The following COL9A1 variants were observed in gnomAD, a reference collection of about 807,000 sequenced individuals.
COL9A1 encodes the protein collagen type IX alpha 1 chain.
COL9A1 carries 104 observed loss-of-function variants against 142.6 expected under a neutral mutation model. The ratio of observed to expected loss-of-function variants is 0.73; its 90% CI spans 0.62 to 0.86. The LOEUF (loss-of-function observed/expected upper bound fraction) is 0.86. COL9A1 is among the 40% of genes least tolerant of loss of function. The probability of loss-of-function intolerance (pLI) is 0.00; values close to 1 mark genes in which losing one functional copy is unlikely to be tolerated. For synonymous variants in COL9A1, 466 were observed against 396.0 expected (o/e 1.18, Z -2.10); for missense variants, 1,210 against 1,176.6 (o/e 1.03, Z -0.42).
In COL9A1 at chr6:70,241,457, G is replaced by A. The variant is rs886061697; in HGVS notation, c.1999-3C>T. 9 of 1,607,724 alleles carry A rather than the reference G, an allele frequency of 5.6e-6. No individual in the cohort carries two copies. The highest frequency in any genetic ancestry group is 6.8e-6 in the Non-Finnish European group (8 of 1,174,176). On this transcript the variant is annotated splice_region_variant and splice_polypyrimidine_tract_variant and intron_variant, in intron 30 of 37. Coordinates refer to ENST00000357250, the MANE Select transcript of COL9A1 (RefSeq NM_001851.6). Reference sequence around the variant, plus strand: ...GGACCCGGTTCACCGACTACACCCTGTAATAAATAAAATATAATACTTTTT... The same window carrying A: ...GGACCCGGTTCACCGACTACACCCTATAATAAATAAAATATAATACTTTTT...
intron 1 of COL9A1, among the ~76,000 whole-genome samples, chr6:70,302,569 G>C (rs1302098597): frequency 6.6e-6 from 1 of 152,008 alleles, no homozygotes; most frequent in African/African-American, 2.4e-5. Flanking sequence ...AGACCCCACT[G>C]TCGTTGTTGT....
chr6:70,266,780 G>A lies in COL9A1; in HGVS notation c.1288-10C>T. On this transcript the variant is annotated splice_polypyrimidine_tract_variant and intron_variant, in intron 17 of 37. Coordinates refer to ENST00000357250, the MANE Select transcript of COL9A1 (RefSeq NM_001851.6). ...TAGCCCCTTTATGACCCTAACAAAT[G>A]CAAAATAAGTAATTGTCTTGAGTTT... The A allele has an allele frequency of 6.2e-7, 1 of 1,610,600 alleles. No homozygotes were observed. The highest frequency in any genetic ancestry group is 2.2e-5 in the East Asian group (1 of 44,778).
Position 70,236,552 on chromosome 6 carries a change from C to T in COL9A1, c.2113-1612G>A, listed in dbSNP as rs890268590. Among the ~76,000 whole-genome samples the T allele has an allele frequency of 2.0e-5, 3 of 152,140 alleles. No individual in the cohort carries two copies. The South Asian group carries it at 6.2e-4, about 32-fold the overall frequency. ...GCATCATTTATCTAGAAAAAGCTGG[C>T]TCTTTCAAACAAATACTTTAAACTG... On this transcript the variant is annotated intron_variant, in intron 33 of 37. Coordinates refer to ENST00000357250, the MANE Select transcript of COL9A1 (RefSeq NM_001851.6).
chr6:70,282,967 C>T (rs965919896), intron 6 of COL9A1, 49 bp from the exon 7 acceptor site: 1 of 1,614,150 alleles, frequency 6.2e-7, no homozygotes, highest in Non-Finnish European at 8.5e-7. Context: ...CCCTCAAACT[C>T]GATCGCAACT....
chr6:70,281,513 G>A (rs1231155251), intron 7 of COL9A1, 49 bp from the exon 8 acceptor site: 2 of 1,485,342 alleles, frequency 1.3e-6, no homozygotes, highest in Non-Finnish European at 1.9e-6. Context: ...GGGCAACAGG[G>A]AGCAACTGAG....
intron 37 of COL9A1, among the ~76,000 whole-genome samples, chr6:70,225,703 C>T (rs1318693980): frequency 6.6e-6 from 1 of 152,046 alleles, no homozygotes; most frequent in East Asian, 1.9e-4. Flanking sequence ...CTTGAAGCAT[C>T]TATTTAAGGA....
At chr6:70,237,626 G>C (rs1769997500) in intron 33 of COL9A1, among the ~76,000 whole-genome samples, 1 of 152,172 alleles carries the variant, frequency 6.6e-6, no homozygotes, top group East Asian at 1.9e-4. Flanking sequence ...GTTACAGCTT[G>C]AATTCTTTCT....
chr6:70,239,764 C>T (rs1319234703), intron 32 of COL9A1, among the ~76,000 whole-genome samples: 1 of 152,126 alleles, frequency 6.6e-6, no homozygotes, highest in African/African-American at 2.4e-5. Flanking sequence ...AAATTTCCTA[C>T]CACTAATGCT....
intron 29 of COL9A1, among the ~76,000 whole-genome samples, chr6:70,242,454 A>G (rs1770322263): frequency 6.6e-6 from 1 of 152,250 alleles, no homozygotes; most frequent in African/African-American, 2.4e-5. Context: ...AGGTTTAAAA[A>G]TGGATGCTAC....
chr6:70,234,828 C>G lies in COL9A1; in HGVS notation c.2225G>C (p.Gly742Ala). 1.2e-6 allele frequency: 2 copies of G among 1,614,036 alleles called. No individual in the cohort carries two copies. Among genetic ancestry groups the G allele is most frequent in the Non-Finnish European group, 1.7e-6 (2 of 1,179,946 alleles). The change falls in exon 34 of 38, where the codon GGT becomes GCT. Residue 742 changes from glycine (G) to alanine (A), a missense_variant. Gly to Ala is a moderately conservative substitution (Grantham distance 60, BLOSUM62 0). Transcript: ENST00000357250. ...CTGGACACCAGGCAGGCCGGTGGCA[C>G]CCTGTTCTCCCTGCACACCCCGGGG... The part of the protein sequence containing the change: ...PGPRGVQGEQ[G>A]ATGLPGVQGP...
chr6:70,258,082 G>A (rs1336462417), intron 20 of COL9A1, among the ~76,000 whole-genome samples: 1 of 152,142 alleles, frequency 6.6e-6, no homozygotes, highest in Non-Finnish European at 1.5e-5. Context: ...CTCTGATGTG[G>A]CTAACATATT....
chr6:70,276,673 T>C (rs1473405973), intron 10 of COL9A1, among the ~76,000 whole-genome samples: 1 of 152,184 alleles, frequency 6.6e-6, no homozygotes, highest in Non-Finnish European at 1.5e-5. Flanking sequence ...AAGAGTCATA[T>C]GTCCATTACA....
At chr6:70,223,936 T>A (rs1212800550) in intron 37 of COL9A1, among the ~76,000 whole-genome samples, 1 of 151,552 alleles carries the variant, frequency 6.6e-6, no homozygotes, top group East Asian at 1.9e-4. Context: ...TCAGAGCTGA[T>A]GGGGAGAGCA....
chr6:70,233,641 G>A (rs1361219046), intron 35 of COL9A1, among the ~76,000 whole-genome samples: 1 of 152,180 alleles, frequency 6.6e-6, no homozygotes, highest in Admixed American at 6.5e-5. Context: ...GTAAGAGTTT[G>A]CATGGAATAA....
intron 18 of COL9A1, among the ~76,000 whole-genome samples, chr6:70,265,564 A>G (rs1263043381): frequency 2.7e-5 from 4 of 149,716 alleles, no homozygotes; most frequent in Non-Finnish European, 5.9e-5. Flanking sequence ...CATAGCAGGT[A>G]CTTTATATTT....
chr6:70,274,601 GT>G, intron 11 of COL9A1, 117 bp downstream of exon 11: 2 of 821,784 alleles, frequency 2.4e-6, no homozygotes, highest in Non-Finnish European at 4.1e-6. Flanking sequence ...CACAATTTTA[GT>G]TGAACGAGTG....
intron 5 of COL9A1, among the ~76,000 whole-genome samples, chr6:70,291,962 G>A (rs1195137697): frequency 6.6e-6 from 1 of 152,096 alleles, no homozygotes; most frequent in Non-Finnish European, 1.5e-5. Flanking sequence ...GTTGTTGCAA[G>A]AATCAAATAA....
rs752796283 is a variant in COL9A1, at chr6:70,294,323, C to T, written c.540G>A (p.Trp180Ter). The change falls in exon 5 of 38, where the codon TGG becomes TGA. Residue 180 changes from tryptophan to a stop codon, truncating the protein, a stop_gained. Transcript: ENST00000357250. LOFTEE classifies it high-confidence loss of function. ...SNLSSLFDSQ[W>*]HKIMIGVERS... The stretch of plus-strand genomic sequence containing the variant: ...TCTCCACGCCAATCATGATCTTATG[C>T]CACTGGGAATCAAACAAGGAGGACA... The T allele has an allele frequency of 1.9e-6, 3 of 1,614,034 alleles. No individual in the cohort carries two copies. The highest frequency in any genetic ancestry group is 2.2e-5 in the East Asian group (1 of 44,880).
intron 17 of COL9A1, among the ~76,000 whole-genome samples, chr6:70,267,617 C>T (rs115230599): frequency 0.025 from 3,820 of 152,226 alleles, 176 homozygotes; most frequent in African/African-American, 0.086. Context: ...CCACCGCGCC[C>T]GGCCTACTGT....
Sources: allele counts gnomAD v4.1 joint callset (sites outside exome capture counted in the v4.1 genomes callset), GRCh38; gene constraint gnomAD v4.1.1; transcripts MANE v1.5; gene names NCBI Gene and HGNC (gene_info 2026-07-23, HGNC 2026-07-21).